Variants in EPCIP observed in about 807,000 individuals in gnomAD.
EPCIP encodes exosomal polycystin 1 interacting protein, also known as exosomal polycystin-1-interacting protein.
chr21:32,808,417 T>TG, the EPCIP span, among the ~76,000 whole-genome samples: 1 of 152,244 alleles, frequency 6.6e-6, no homozygotes, highest in African/African-American at 2.4e-5. Context: ...GTAAAGTACC[T>TG]GCACTATTTC....
the EPCIP span, chr21:32,794,105 A>G: frequency 6.2e-7 from 1 of 1,614,174 alleles, no homozygotes; most frequent in Non-Finnish European, 8.5e-7. Flanking sequence ...GGTGCTGCAC[A>G]GGGAAAGCTT....
At chr21:32,808,484 G>A in the EPCIP span, among the ~76,000 whole-genome samples, 7 of 152,092 alleles carry the variant, frequency 4.6e-5, no homozygotes, top group Admixed American at 1.3e-4. Flanking sequence ...CTATAGTTCC[G>A]ACCATTCGAT....
the EPCIP span, chr21:32,798,489 T>C: frequency 2.0e-5 from 3 of 152,262 alleles, no homozygotes; most frequent in Non-Finnish European, 4.4e-5. Context: ...CACGGGTTCA[T>C]GACAGCCTAT....
the EPCIP span, chr21:32,793,647 G>T: frequency 1.1e-6 from 1 of 914,182 alleles, no homozygotes; most frequent in Non-Finnish European, 1.8e-6. Context: ...TGGAGCCTGC[G>T]GAGAGAGGCA....
chr21:32,808,806 T>A, the EPCIP span, among the ~76,000 whole-genome samples: 1 of 152,326 alleles, frequency 6.6e-6, no homozygotes, highest in African/African-American at 2.4e-5. Context: ...ATATAAGAAC[T>A]CTCTATTATC....
chr21:32,812,015 TA>T, the EPCIP span, among the ~76,000 whole-genome samples: 2 of 152,178 alleles, frequency 1.3e-5, no homozygotes, highest in Non-Finnish European at 2.9e-5. Context: ...TCCAGAACCA[TA>T]AGAAAGAAAT....
the EPCIP span, chr21:32,810,476 T>G: frequency 2.3e-6 from 1 of 428,396 alleles, no homozygotes; most frequent in South Asian, 1.7e-5. Flanking sequence ...TTAGCTAGGA[T>G]GGTCTGACTC....
chr21:32,800,068 A>G, the EPCIP span, among the ~76,000 whole-genome samples: 1 of 152,336 alleles, frequency 6.6e-6, no homozygotes, highest in African/African-American at 2.4e-5. Flanking sequence ...TTTTTCCACA[A>G]TTAGTTATTT....
the EPCIP span, among the ~76,000 whole-genome samples, chr21:32,811,457 A>G: frequency 4.6e-5 from 7 of 152,180 alleles, no homozygotes; most frequent in African/African-American, 9.7e-5. Flanking sequence ...GAAATGATAC[A>G]TGGGTACTCA....
chr21:32,791,254 T>C, the EPCIP span: 5 of 152,372 alleles, frequency 3.3e-5, no homozygotes, highest in Non-Finnish European at 4.4e-5. Flanking sequence ...CCTTTTCTGT[T>C]GGTTTAAGTC....
the EPCIP span, among the ~76,000 whole-genome samples, chr21:32,806,991 GT>G: frequency 2.0e-5 from 3 of 152,090 alleles, no homozygotes; most frequent in East Asian, 5.8e-4. Flanking sequence ...AGTGAAAGGG[GT>G]TTCCCCTTAC....
the EPCIP span, chr21:32,807,849 A>T: frequency 1.3e-5 from 2 of 152,264 alleles, no homozygotes; most frequent in African/African-American, 4.8e-5. Context: ...AAATCCCAGG[A>T]GGCACCTCCA....
At chr21:32,811,719 C>T in the EPCIP span, among the ~76,000 whole-genome samples, 3 of 152,146 alleles carry the variant, frequency 2.0e-5, no homozygotes, top group South Asian at 2.1e-4. Flanking sequence ...CTAAAGTTCA[C>T]GTGTTGGAAA....
the EPCIP span, among the ~76,000 whole-genome samples, chr21:32,799,600 C>T: frequency 6.6e-6 from 1 of 152,164 alleles, no homozygotes; most frequent in Admixed American, 6.5e-5. Flanking sequence ...GAGCCTTTCA[C>T]AATTTTCTTC....
chr21:32,808,473 G>C, the EPCIP span, among the ~76,000 whole-genome samples: 1 of 152,144 alleles, frequency 6.6e-6, no homozygotes, highest in African/African-American at 2.4e-5. Context: ...CTGTGTTCAA[G>C]CTATAGTTCC....
chr21:32,805,085 G>T, the EPCIP span, among the ~76,000 whole-genome samples: 4 of 152,176 alleles, frequency 2.6e-5, no homozygotes, highest in East Asian at 7.7e-4. Flanking sequence ...AGATTATCTG[G>T]GTGGGCCCAA....
chr21:32,813,213 T>G, the EPCIP span, among the ~76,000 whole-genome samples: 1 of 152,126 alleles, frequency 6.6e-6, no homozygotes, highest in African/African-American at 2.4e-5. Context: ...AATGGAAAAG[T>G]CTAGCCAGAT....
At chr21:32,806,519 G>A in the EPCIP span, among the ~76,000 whole-genome samples, 2 of 152,216 alleles carry the variant, frequency 1.3e-5, no homozygotes, top group Admixed American at 1.3e-4. Flanking sequence ...CCTGTATCTG[G>A]TAGGTGGGAG....
At chr21:32,793,322 G>A in the EPCIP span, among the ~76,000 whole-genome samples, 1 of 152,064 alleles carries the variant, frequency 6.6e-6, no homozygotes, top group Non-Finnish European at 1.5e-5. Context: ...GGAATTCCAA[G>A]CAATTTCACA....
Sources: allele counts gnomAD v4.1 joint callset (sites outside exome capture counted in the v4.1 genomes callset), GRCh38; gene constraint gnomAD v4.1.1; transcripts MANE v1.5; gene names NCBI Gene and HGNC (gene_info 2026-07-23, HGNC 2026-07-21).